Variants in LOC128706665 observed in about 807,000 individuals in gnomAD.
the LOC128706665 span, chr20:10,434,012 C>T: frequency 2.0e-5 from 3 of 152,364 alleles, no homozygotes; most frequent in South Asian, 4.1e-4. Context: ...CACCGGTGAC[C>T]TTTGGGGGTG....
chr20:10,417,689 A>G, the LOC128706665 span, among the ~76,000 whole-genome samples: 1 of 151,994 alleles, frequency 6.6e-6, no homozygotes, highest in African/African-American at 2.4e-5. Flanking sequence ...AAAAATCAAC[A>G]TCATCATCAA....
the LOC128706665 span, among the ~76,000 whole-genome samples, chr20:10,429,816 A>G: frequency 6.6e-6 from 1 of 152,158 alleles, no homozygotes; most frequent in African/African-American, 2.4e-5. Flanking sequence ...GGTCCTCTCA[A>G]CAGTGCCATT....
At chr20:10,417,288 A>G in the LOC128706665 span, among the ~76,000 whole-genome samples, 2 of 151,886 alleles carry the variant, frequency 1.3e-5, no homozygotes, top group Non-Finnish European at 2.9e-5. Flanking sequence ...TTTATAATGG[A>G]AAGAAACACT....
chr20:10,427,029 G>GACACACACACAGTCACAC, the LOC128706665 span, among the ~76,000 whole-genome samples: 1 of 130,724 alleles, frequency 7.6e-6, no homozygotes, highest in Non-Finnish European at 1.6e-5. Context: ...AGAAAACACT[G>GACACACACACAGTCACAC]ACACACACAC....
chr20:10,424,329 G>A, the LOC128706665 span, among the ~76,000 whole-genome samples: 1 of 152,084 alleles, frequency 6.6e-6, no homozygotes, highest in Non-Finnish European at 1.5e-5. Flanking sequence ...GCTCAGGCAG[G>A]GGGACTGCTT....
At chr20:10,414,857 T>C in the LOC128706665 span, among the ~76,000 whole-genome samples, 6 of 152,210 alleles carry the variant, frequency 3.9e-5, no homozygotes, top group African/African-American at 1.4e-4. Flanking sequence ...GCTAATTTTC[T>C]ATCATTTTAC....
chr20:10,426,159 T>C, the LOC128706665 span, among the ~76,000 whole-genome samples: 3 of 152,230 alleles, frequency 2.0e-5, no homozygotes, highest in African/African-American at 7.2e-5. Flanking sequence ...GAAGAAACAT[T>C]AAATGATTGA....
chr20:10,420,835 A>G, the LOC128706665 span: 1 of 152,254 alleles, frequency 6.6e-6, no homozygotes, highest in Non-Finnish European at 1.5e-5. Context: ...CTAAATCACT[A>G]CAAGTAGCAT....
the LOC128706665 span, among the ~76,000 whole-genome samples, chr20:10,418,083 A>C: frequency 6.6e-6 from 1 of 152,198 alleles, no homozygotes; most frequent in Non-Finnish European, 1.5e-5. Context: ...GTAGGTAAAG[A>C]GTCACTGTTA....
the LOC128706665 span, among the ~76,000 whole-genome samples, chr20:10,422,698 A>G: frequency 6.0e-5 from 9 of 150,670 alleles, no homozygotes; most frequent in African/African-American, 2.2e-4. Flanking sequence ...ACATGAGGTT[A>G]TCAAGTTATA....
the LOC128706665 span, among the ~76,000 whole-genome samples, chr20:10,423,292 G>A: frequency 1.3e-5 from 2 of 152,086 alleles, no homozygotes; most frequent in Non-Finnish European, 2.9e-5. Context: ...GGTGGCGCAC[G>A]CCTGTAGTTC....
chr20:10,424,661 C>T, the LOC128706665 span, among the ~76,000 whole-genome samples: 1 of 152,008 alleles, frequency 6.6e-6, no homozygotes, highest in Non-Finnish European at 1.5e-5. Flanking sequence ...TGTTTATAAA[C>T]TCTTGCAGAG....
the LOC128706665 span, among the ~76,000 whole-genome samples, chr20:10,427,028 T>TCACACACACACA: frequency 1.6e-5 from 1 of 61,434 alleles, no homozygotes. Context: ...AAGAAAACAC[T>TCACACACACACA]GACACACACA....
At chr20:10,430,031 C>G in the LOC128706665 span, among the ~76,000 whole-genome samples, 4 of 114,312 alleles carry the variant, frequency 3.5e-5, no homozygotes, top group East Asian at 6.3e-4. Flanking sequence ...TCTTGCAAAA[C>G]AAAAAACAAA....
the LOC128706665 span, among the ~76,000 whole-genome samples, chr20:10,432,815 AT>A: frequency 9.4e-5 from 14 of 149,602 alleles, 1 homozygote; most frequent in East Asian, 6.0e-4. Flanking sequence ...AAAAAAAAAA[AT>A]CGTGTAGTTT....
At chr20:10,417,690 T>A in the LOC128706665 span, among the ~76,000 whole-genome samples, 13 of 151,750 alleles carry the variant, frequency 8.6e-5, no homozygotes, top group East Asian at 2.5e-3. Flanking sequence ...AAAATCAACA[T>A]CATCATCAAA....
At chr20:10,420,184 AG>A in the LOC128706665 span, among the ~76,000 whole-genome samples, 7 of 152,174 alleles carry the variant, frequency 4.6e-5, no homozygotes, top group African/African-American at 2.4e-5. Flanking sequence ...TAAAAAAAAA[AG>A]AACACTAATA....
the LOC128706665 span, chr20:10,420,680 C>G: frequency 6.6e-5 from 10 of 152,252 alleles, no homozygotes; most frequent in Non-Finnish European, 1.2e-4. Context: ...ATGAGCCCAA[C>G]TAAAGGGACC....
chr20:10,433,439 C>G, the LOC128706665 span, among the ~76,000 whole-genome samples: 1 of 152,218 alleles, frequency 6.6e-6, no homozygotes, highest in Non-Finnish European at 1.5e-5. Flanking sequence ...ACTGCCGTAT[C>G]TACTAACTCG....
Sources: allele counts gnomAD v4.1 joint callset (sites outside exome capture counted in the v4.1 genomes callset), GRCh38; gene constraint gnomAD v4.1.1; transcripts MANE v1.5.